The following CTNNA3 variants were observed in gnomAD, a reference collection of about 807,000 sequenced individuals.
The protein encoded by CTNNA3 is catenin alpha 3, also known as catenin alpha-3.
CTNNA3 carries 76 observed loss-of-function variants against 95.7 expected under a neutral mutation model. That is an observed-to-expected ratio of 0.79 (90% confidence interval 0.66 to 0.96). The LOEUF is 0.96. Among genes scored for constraint, CTNNA3 ranks in the 40% least tolerant of loss-of-function variants. The pLI is 0.00. For synonymous variants in CTNNA3, 431 were observed against 374.4 expected, an observed-to-expected ratio of 1.15 and a Z score of -1.74; for missense variants, 1,191 against 1,089.8, an observed-to-expected ratio of 1.09 and a Z score of -1.31.
chr10:66,969,990 A>G (rs1371849818), intron 7 of CTNNA3, among the ~76,000 whole-genome samples: 3 of 152,132 alleles, frequency 2.0e-5, no homozygotes, highest in Admixed American at 6.5e-5. Context: ...CTCCCACATC[A>G]TTATTACAAA....
chr10:67,714,199 A>T (rs1841129286), intron 1 of CTNNA3, among the ~76,000 whole-genome samples: 3 of 152,140 alleles, frequency 2.0e-5, no homozygotes, highest in Non-Finnish European at 4.4e-5. Flanking sequence ...TGGTAGATCC[A>T]CCAACAGCTT....
rs571705567 is a variant in CTNNA3 at position 66,941,137 on chromosome 10, A to G, written c.1048-165613T>C. Reference sequence around the variant, plus strand: ...ACAAGGCAGACAGCTACACCACAGTAGAGAGACAATATTTCCTCAGCTGAG... The same window carrying G: ...ACAAGGCAGACAGCTACACCACAGTGGAGAGACAATATTTCCTCAGCTGAG... On this transcript the variant is annotated intron_variant, in intron 7 of 17. Transcript: ENST00000433211. Among the ~76,000 whole-genome samples the G allele has an allele frequency of 4.3e-4, 65 of 152,340 alleles. 1 individual carries two copies. The highest frequency in any genetic ancestry group is 1.4e-3 in the African/African-American group (59 of 41,596).
At chr10:66,319,601 A>C (rs538632353) in intron 12 of CTNNA3, among the ~76,000 whole-genome samples, 10 of 152,230 alleles carry the variant, frequency 6.6e-5, no homozygotes, top group Admixed American at 6.5e-4. Flanking sequence ...CTTCCAGGGA[A>C]AATCTAAAAG....
intron 3 of CTNNA3, among the ~76,000 whole-genome samples, chr10:67,606,592 T>C (rs781767305): frequency 1.3e-5 from 2 of 152,128 alleles, no homozygotes; most frequent in African/African-American, 2.4e-5. Context: ...CTCTTCTCTT[T>C]GTTTATTATG....
chr10:66,298,134 C>A (rs1412986256), intron 12 of CTNNA3, among the ~76,000 whole-genome samples: 2 of 152,140 alleles, frequency 1.3e-5, no homozygotes, highest in African/African-American at 4.8e-5. Flanking sequence ...CTGGGAGAAC[C>A]CAGCCTCTAA....
At chr10:66,530,646 G>C (rs1841433622) in intron 10 of CTNNA3, among the ~76,000 whole-genome samples, 1 of 152,066 alleles carries the variant, frequency 6.6e-6, no homozygotes, top group Admixed American at 6.6e-5. Flanking sequence ...GTGTGGTGCT[G>C]AGGAGACCTA....
At chr10:67,750,798 C>A in intron 1 of CTNNA3, 2 of 1,609,302 alleles carry the variant, frequency 1.2e-6, no homozygotes, top group Non-Finnish European at 1.7e-6. Context: ...GGCTCTTGAA[C>A]AAACCTGGAC....
intron 12 of CTNNA3, among the ~76,000 whole-genome samples, chr10:66,376,322 G>A (rs1338154096): frequency 6.6e-6 from 1 of 151,992 alleles, no homozygotes; most frequent in Non-Finnish European, 1.5e-5. Flanking sequence ...TTAGTAACAG[G>A]GATAAATGGG....
intron 3 of CTNNA3, among the ~76,000 whole-genome samples, chr10:67,562,726 A>G (rs897547394): frequency 5.9e-5 from 9 of 152,216 alleles, no homozygotes; most frequent in Admixed American, 2.0e-4. Flanking sequence ...ACGTGATAGT[A>G]TATCTAGAAA....
intron 4 of CTNNA3, among the ~76,000 whole-genome samples, chr10:67,536,512 G>T (rs151320143): frequency 2.6e-5 from 4 of 152,060 alleles, no homozygotes; most frequent in African/African-American, 9.6e-5. Flanking sequence ...AAACTGTAAG[G>T]GCACTGAAGT....
At chr10:66,968,045 G>C (rs536427940) in intron 7 of CTNNA3, among the ~76,000 whole-genome samples, 124 of 152,102 alleles carry the variant, frequency 8.2e-4, no homozygotes, top group Non-Finnish European at 1.5e-3. Context: ...TTTATACTCT[G>C]AGCATGAAGT....
intron 13 of CTNNA3, among the ~76,000 whole-genome samples, chr10:66,271,433 T>A (rs1378015338): frequency 6.6e-6 from 1 of 152,200 alleles, no homozygotes; most frequent in Non-Finnish European, 1.5e-5. Flanking sequence ...CAAGTTTTTG[T>A]ACCAAAATAA....
chr10:66,926,279 C>G (rs527260840), intron 7 of CTNNA3: 4 of 495,030 alleles, frequency 8.1e-6, no homozygotes, highest in African/African-American at 8.0e-5. Flanking sequence ...TTTAACCGCC[C>G]CCTCCCCACC....
At chr10:66,754,538 C>T (rs184322103) in intron 9 of CTNNA3, among the ~76,000 whole-genome samples, 6 of 151,862 alleles carry the variant, frequency 4.0e-5, no homozygotes, top group Non-Finnish European at 7.4e-5. Flanking sequence ...AATGTAAAAC[C>T]TTCATGCTTC....
At chr10:66,600,357 G>C (rs1382330438) in intron 10 of CTNNA3, among the ~76,000 whole-genome samples, 1 of 151,552 alleles carries the variant, frequency 6.6e-6, no homozygotes, top group Non-Finnish European at 1.5e-5. Flanking sequence ...GTTTTTTCCA[G>C]TATCACTCAT....
At chr10:66,191,320 T>C (rs2086655191) in intron 13 of CTNNA3, among the ~76,000 whole-genome samples, 1 of 152,070 alleles carries the variant, frequency 6.6e-6, no homozygotes, top group Non-Finnish European at 1.5e-5. Context: ...ACCCTTAAAA[T>C]GTCTCCATGG....
intron 12 of CTNNA3, among the ~76,000 whole-genome samples, chr10:66,374,425 G>T (rs2092777619): frequency 6.6e-6 from 1 of 152,106 alleles, no homozygotes; most frequent in African/African-American, 2.4e-5. Context: ...CATTCCAACT[G>T]CAGGGATAGA....
intron 13 of CTNNA3, among the ~76,000 whole-genome samples, chr10:66,222,842 C>T (rs929029085): frequency 1.3e-5 from 2 of 152,008 alleles, no homozygotes; most frequent in African/African-American, 4.8e-5. Context: ...CATAAAGCAG[C>T]TGCTTAAAAA....
chr10:66,731,090 C>T (rs559863926), intron 9 of CTNNA3, among the ~76,000 whole-genome samples: 1 of 152,222 alleles, frequency 6.6e-6, no homozygotes, highest in East Asian at 1.9e-4. Flanking sequence ...ATTCAGTCTT[C>T]CTCTGAAATC....
Sources: allele counts gnomAD v4.1 joint callset (sites outside exome capture counted in the v4.1 genomes callset), GRCh38; gene constraint gnomAD v4.1.1; transcripts MANE v1.5; gene names NCBI Gene and HGNC (gene_info 2026-07-23, HGNC 2026-07-21).